Variants in RNF130 observed in about 807,000 individuals in gnomAD.
The protein encoded by RNF130 is ring finger protein 130.
In RNF130, 21 loss-of-function variants were observed where a neutral mutation model predicts 44.6. The observed-to-expected ratio is 0.47, with a 90% CI of 0.33 to 0.68. RNF130 has a LOEUF of 0.68. Ranked by LOEUF, RNF130 falls within the 30% of genes least tolerant of loss-of-function variation. The pLI is 0.02. For synonymous variants in RNF130, 214 were observed against 210.4 expected (o/e 1.02, Z -0.15); for missense variants, 479 against 560.6 (o/e 0.85, Z 1.47).
chr5:180,046,354 C>T (rs1251398807), intron 1 of RNF130, among the ~76,000 whole-genome samples: 3 of 152,110 alleles, frequency 2.0e-5, no homozygotes, highest in African/African-American at 7.2e-5. Flanking sequence ...GAGGAGGCAC[C>T]GAGAGCGAGC....
chr5:180,056,234 T>C (rs1764817629), intron 1 of RNF130, among the ~76,000 whole-genome samples: 1 of 146,672 alleles, frequency 6.8e-6, no homozygotes, highest in Non-Finnish European at 1.5e-5. Flanking sequence ...GTGTTGAGCC[T>C]TAAGATAGTA....
chr5:179,967,967 T>C (rs1762487181), intron 6 of RNF130, among the ~76,000 whole-genome samples: 1 of 152,228 alleles, frequency 6.6e-6, no homozygotes, highest in African/African-American at 2.4e-5. Flanking sequence ...GGATTTTTGT[T>C]ATAAACAGAG....
At chr5:179,955,744 T>A (rs1018191887) in intron 8 of RNF130, 75 bp from the exon 9 acceptor site, 3 of 1,254,118 alleles carry the variant, frequency 2.4e-6, no homozygotes, top group Non-Finnish European at 3.4e-6. Context: ...GAAGTGACCC[T>A]AACTGAAGGG....
At chr5:179,971,113 T>C (rs1426423407) in intron 5 of RNF130, among the ~76,000 whole-genome samples, 2 of 152,210 alleles carry the variant, frequency 1.3e-5, no homozygotes, top group African/African-American at 4.8e-5. Flanking sequence ...ATTTTCTCTC[T>C]TATTCAGGCA....
At chr5:179,989,784 TA>T (rs1257738417) in intron 3 of RNF130, among the ~76,000 whole-genome samples, 5 of 152,212 alleles carry the variant, frequency 3.3e-5, no homozygotes, top group African/African-American at 1.2e-4. Flanking sequence ...AGCTGTTTTG[TA>T]AATTCTTTGT....
chr5:180,020,664 G>A (rs1763849108), intron 2 of RNF130, among the ~76,000 whole-genome samples: 1 of 152,196 alleles, frequency 6.6e-6, no homozygotes. Flanking sequence ...AGGGGCCACA[G>A]TACAGCACTT....
chr5:180,052,613 G>A (rs1764712209), intron 1 of RNF130, among the ~76,000 whole-genome samples: 2 of 152,148 alleles, frequency 1.3e-5, no homozygotes, highest in African/African-American at 4.8e-5. Flanking sequence ...ACAAAGACTG[G>A]GCTATCTGGA....
rs1462735949 is a variant in RNF130 at position 179,955,541 on chromosome 5, A to C, written c.*113T>G. On this transcript the variant is annotated 3_prime_UTR_variant, in exon 9 of 9. Coordinates refer to ENST00000521389, the MANE Select transcript of RNF130 (RefSeq NM_018434.6). ...TTTGGCATTAGCAATTTTATGAAAA[A>C]ATAAAATGTACTAAAAATAAATGCT... 1 of 884,974 alleles carries C rather than the reference A, an allele frequency of 1.1e-6. No homozygotes were observed. The highest frequency in any genetic ancestry group is 1.7e-6 in the Non-Finnish European group (1 of 576,036). The allele number at this position is 884,974 out of a possible 1,614,324, so 54.8% of individuals were successfully genotyped here.
At chr5:180,057,563 T>C (rs770906756) in intron 1 of RNF130, among the ~76,000 whole-genome samples, 87 of 151,424 alleles carry the variant, frequency 5.7e-4, no homozygotes, top group Non-Finnish European at 1.1e-3. Context: ...AAAAAAATCA[T>C]GTGTAATGTG....
chr5:179,938,107 G>A (rs529415675), intron 7 of RNF130, among the ~76,000 whole-genome samples: 5 of 151,910 alleles, frequency 3.3e-5, no homozygotes, highest in Non-Finnish European at 7.4e-5. Flanking sequence ...CAGGTACGCG[G>A]CACCACGTCT....
chr5:179,955,385 T>G lies in RNF130; in HGVS notation c.*269A>C, dbSNP rs1240336650. 1.0e-5 allele frequency: 4 copies of G among 383,442 alleles called. No homozygotes were observed. Among genetic ancestry groups the G allele is most frequent in the Non-Finnish European group, 1.9e-5 (4 of 212,114 alleles). The allele number at this position is 383,442 out of a possible 1,614,324, so 23.8% of individuals were successfully genotyped here. Reference sequence around the variant, plus strand: ...TCTCACGGGAGCCAGGAGCACATTCTGTCTCTGAAACACAAACAAATGCAA... The same window carrying G: ...TCTCACGGGAGCCAGGAGCACATTCGGTCTCTGAAACACAAACAAATGCAA... On this transcript the variant is annotated 3_prime_UTR_variant, in exon 9 of 9. Coordinates refer to ENST00000521389, the MANE Select transcript of RNF130 (RefSeq NM_018434.6).
At chr5:179,947,667 A>C (rs1762062349) in intron 7 of RNF130, among the ~76,000 whole-genome samples, 1 of 152,240 alleles carries the variant, frequency 6.6e-6, no homozygotes, top group African/African-American at 2.4e-5. Context: ...GAGTTAATGC[A>C]GCAAAATGCT....
chr5:179,921,057 C>T (rs1761623809), intron 7 of RNF130, among the ~76,000 whole-genome samples: 1 of 152,092 alleles, frequency 6.6e-6, no homozygotes, highest in Non-Finnish European at 1.5e-5. Context: ...ACTATCTGTG[C>T]TACTCAAAGC....
intron 6 of RNF130, among the ~76,000 whole-genome samples, chr5:179,968,323 AGGC>A (rs759241042): frequency 0.025 from 3,826 of 151,204 alleles, 73 homozygotes; most frequent in Non-Finnish European, 0.041. Context: ...CAAAAAAAGA[AGGC>A]GGCGGCTAGC....
Position 179,966,965 on chromosome 5 carries a change from G to C in RNF130, c.991C>G (p.Leu331Val). ...CGGTTAACAGCTTGGGTTCTGGTGA[G>C]CCTTTCCATATCGAATGCTACGTTA... ...TDNVAFDMER[L>V]TRTQAVNRRS... The change falls in exon 7 of 9, where the codon CTC becomes GTC. Residue 331 changes from leucine to valine, a missense_variant. Physicochemically the swap from Leu to Val is conservative, Grantham distance 32. Around this residue, in one of 3 missense-constraint regions of RNF130, gnomAD observed 161 missense variants for 158.6 expected, o/e 1.02. Coordinates refer to ENST00000521389, the MANE Select transcript of RNF130 (RefSeq NM_018434.6). The C allele has an allele frequency of 6.2e-7, 1 of 1,614,248 alleles. No homozygotes were observed.
chr5:179,937,808 G>T (rs186145854), intron 7 of RNF130, among the ~76,000 whole-genome samples: 1 of 152,260 alleles, frequency 6.6e-6, no homozygotes, highest in East Asian at 1.9e-4. Flanking sequence ...ATGTCCATCA[G>T]TGGATGAGGA....
At chr5:179,920,181 C>G in exon 8 of RNF130, 1 of 577,818 alleles carries the variant, frequency 1.7e-6, no homozygotes. Context: ...CAAATTAACC[C>G]TGAACCCCAA....
At chr5:179,936,804 A>G (rs1407767474) in intron 7 of RNF130, among the ~76,000 whole-genome samples, 1 of 152,248 alleles carries the variant, frequency 6.6e-6, no homozygotes, top group Non-Finnish European at 1.5e-5. Flanking sequence ...TTGAGAGTCC[A>G]GAAATAAACT....
chr5:180,070,779 C>T (rs1344733567), intron 1 of RNF130, among the ~76,000 whole-genome samples: 1 of 152,120 alleles, frequency 6.6e-6, no homozygotes, highest in African/African-American at 2.4e-5. Context: ...GACATTAAGC[C>T]GAATGGTTTC....
Sources: allele counts gnomAD v4.1 joint callset (sites outside exome capture counted in the v4.1 genomes callset), GRCh38; gene constraint gnomAD v4.1.1; regional missense constraint gnomAD v4.1.1; transcripts MANE v1.5; gene names NCBI Gene and HGNC (gene_info 2026-07-23, HGNC 2026-07-21).